SLC24A2: variants seen among roughly 807,000 people sequenced by gnomAD.
SLC24A2 encodes solute carrier family 24 member 2.
Under a neutral mutation model 62.0 loss-of-function variants are expected in SLC24A2, and 36 were observed. The ratio of observed to expected loss-of-function variants is 0.58; its 90% CI spans 0.44 to 0.77. The LOEUF (loss-of-function observed/expected upper bound fraction) is 0.77. SLC24A2 is among the 30% of genes least tolerant of loss of function. The probability of loss-of-function intolerance (pLI) is 0.00; values close to 1 mark genes in which losing one functional copy is unlikely to be tolerated. For missense variants in SLC24A2, 846 were observed against 817.9 expected, an observed-to-expected ratio of 1.03 and a Z score of -0.42; for synonymous variants, 358 against 294.0, an observed-to-expected ratio of 1.22 and a Z score of -2.23.
At chr9:19,902,361 G>T in the SLC24A2 span, among the ~76,000 whole-genome samples, 1 of 152,234 alleles carries the variant, frequency 6.6e-6, no homozygotes, top group Middle Eastern at 3.4e-3. Flanking sequence ...AATGGAAAAA[G>T]GACATTTTAG....
chr9:19,630,615 A>G (rs1818153925), intron 2 of SLC24A2, among the ~76,000 whole-genome samples: 1 of 152,150 alleles, frequency 6.6e-6, no homozygotes, highest in Non-Finnish European at 1.5e-5. Flanking sequence ...GATCTCAGAA[A>G]TATCAACGGT....
the SLC24A2 span, among the ~76,000 whole-genome samples, chr9:20,286,896 C>T: frequency 6.6e-6 from 1 of 152,170 alleles, no homozygotes; most frequent in African/African-American, 2.4e-5. Context: ...TACCCCAACA[C>T]TCATCCTCCT....
the SLC24A2 span, among the ~76,000 whole-genome samples, chr9:19,956,827 T>C: frequency 6.6e-6 from 1 of 152,158 alleles, no homozygotes; most frequent in African/African-American, 2.4e-5. Context: ...CATGAAGGCA[T>C]AGCCCTCATG....
chr9:19,599,346 G>A lies in SLC24A2; in HGVS notation c.1079-2067C>T, dbSNP rs552560207. Among the ~76,000 whole-genome samples the A allele has an allele frequency of 6.6e-6, 1 of 152,256 alleles. No homozygotes were observed. The highest frequency in any genetic ancestry group is 1.9e-4 in the East Asian group (1 of 5,186). ...GAATGAGACTGAAGAACAAGAACTAGGCAGAACATAACAAAAATGAGTCTA... is the reference window on the plus strand; with the variant it reads ...GAATGAGACTGAAGAACAAGAACTAAGCAGAACATAACAAAAATGAGTCTA... On this transcript the variant is annotated intron_variant, in intron 4 of 10. Coordinates refer to ENST00000341998, the MANE Select transcript of SLC24A2 (RefSeq NM_020344.4). This position sits in a 1 kb window ranked among gnomAD's most constrained non-coding sequence, Gnocchi z 4.5.
At chr9:20,020,953 T>C in the SLC24A2 span, among the ~76,000 whole-genome samples, 1 of 152,188 alleles carries the variant, frequency 6.6e-6, no homozygotes, top group Non-Finnish European at 1.5e-5. Context: ...GTCTTTATGT[T>C]TCATTTGTCC....
At chr9:19,765,550 G>A (rs1822488794) in intron 2 of SLC24A2, among the ~76,000 whole-genome samples, 4 of 152,128 alleles carry the variant, frequency 2.6e-5, no homozygotes, top group African/African-American at 7.2e-5. Flanking sequence ...TCTCCTTCAT[G>A]TATGAGGCTT....
chr9:19,778,442 A>T (rs1822909605), intron 2 of SLC24A2, among the ~76,000 whole-genome samples: 1 of 151,816 alleles, frequency 6.6e-6, no homozygotes, highest in South Asian at 2.1e-4. Context: ...AAGGGTTGAC[A>T]CTTTCAGTAA....
upstream of SLC24A2, among the ~76,000 whole-genome samples, chr9:19,789,139 G>A (rs1823271128): frequency 6.6e-6 from 1 of 152,234 alleles, no homozygotes; most frequent in African/African-American, 2.4e-5. Context: ...GCCGCAGCGC[G>A]CTCAGCTCCC....
At chr9:19,910,336 C>G in the SLC24A2 span, among the ~76,000 whole-genome samples, 1 of 152,256 alleles carries the variant, frequency 6.6e-6, no homozygotes, top group Admixed American at 6.5e-5. Flanking sequence ...CTCTCCATCT[C>G]TACTGCCATG....
rs1219423306 is a variant in SLC24A2, at chr9:19,546,167, C to T, written c.1479+3970G>A. The stretch of plus-strand genomic sequence containing the variant: ...CCCCTACTGGGAGCTGTCTCCCAGT[C>T]AGTACACATGGGTGTCAGGGACCCA... On this transcript the variant is annotated intron_variant, in intron 8 of 10. Transcript: ENST00000341998. Among the ~76,000 whole-genome samples the T allele has an allele frequency of 2.6e-5, 4 of 152,212 alleles. No individual in the cohort carries two copies. The South Asian group carries it at 6.2e-4, about 24-fold the overall frequency.
the SLC24A2 span, among the ~76,000 whole-genome samples, chr9:19,939,362 G>A: frequency 6.6e-6 from 1 of 152,192 alleles, no homozygotes; most frequent in African/African-American, 2.4e-5. Context: ...CCTAGGCTAT[G>A]AATCTGTACA....
the SLC24A2 span, among the ~76,000 whole-genome samples, chr9:20,268,726 T>C: frequency 2.0e-5 from 3 of 152,216 alleles, no homozygotes; most frequent in African/African-American, 7.2e-5. Context: ...ATCTACTTCT[T>C]CAGGCTTGCC....
chr9:19,610,121 G>A (rs1004530777), intron 4 of SLC24A2, among the ~76,000 whole-genome samples: 2 of 152,142 alleles, frequency 1.3e-5, no homozygotes, highest in African/African-American at 4.8e-5. Context: ...GTTTCTTAAG[G>A]TGTCTAGTGC....
At chr9:20,192,986 C>A in the SLC24A2 span, among the ~76,000 whole-genome samples, 1 of 152,126 alleles carries the variant, frequency 6.6e-6, no homozygotes, top group Non-Finnish European at 1.5e-5. Flanking sequence ...GAAGAACCCC[C>A]CAGCACACAG....
At chr9:19,753,710 T>G (rs1332461059) in intron 2 of SLC24A2, among the ~76,000 whole-genome samples, 1 of 152,200 alleles carries the variant, frequency 6.6e-6, no homozygotes, top group African/African-American at 2.4e-5. Context: ...TAGAATAAGT[T>G]ATATTCCTTT....
chr9:19,933,753 T>C, the SLC24A2 span, among the ~76,000 whole-genome samples: 1 of 152,154 alleles, frequency 6.6e-6, no homozygotes, highest in Non-Finnish European at 1.5e-5. Flanking sequence ...ATAAACGAAA[T>C]GTGGTATATC....
Position 19,632,631 on chromosome 9 carries a change from A to C in SLC24A2, c.931-10332T>G, listed in dbSNP as rs1261658158. Among the ~76,000 whole-genome samples the C allele has an allele frequency of 6.6e-6, 1 of 152,216 alleles. No individual in the cohort carries two copies. Among genetic ancestry groups the C allele is most frequent in the East Asian group, 1.9e-4 (1 of 5,198 alleles). On this transcript the variant is annotated intron_variant, in intron 2 of 10. Coordinates refer to ENST00000341998, the MANE Select transcript of SLC24A2 (RefSeq NM_020344.4). The surrounding 1 kb of genome is among the most constrained non-coding windows in gnomAD (Gnocchi z 4.5). ...GCAGGTATTATTAGGAAACATTTTT[A>C]ATAACTTCTTATTTGGAAATAATTA...
chr9:20,174,383 A>C, the SLC24A2 span, among the ~76,000 whole-genome samples: 1 of 152,114 alleles, frequency 6.6e-6, no homozygotes. Flanking sequence ...GAGCTTTTGC[A>C]CTGCAAAAGG....
At chr9:19,894,284 G>C in the SLC24A2 span, among the ~76,000 whole-genome samples, 5 of 152,190 alleles carry the variant, frequency 3.3e-5, no homozygotes, top group Non-Finnish European at 1.5e-5. Flanking sequence ...TAGTTTTTCT[G>C]TGTGTCCTGA....
Sources: allele counts gnomAD v4.1 joint callset (sites outside exome capture counted in the v4.1 genomes callset), GRCh38; gene constraint gnomAD v4.1.1; non-coding constraint Gnocchi (gnomAD v3.1); transcripts MANE v1.5; gene names NCBI Gene and HGNC (gene_info 2026-07-23, HGNC 2026-07-21).